The following AMPD3 variants were observed in gnomAD, a reference collection of about 807,000 sequenced individuals.
AMPD3 encodes adenosine monophosphate deaminase 3.
A neutral mutation model predicts 82.3 loss-of-function variants in AMPD3; 57 were observed. That is an observed-to-expected ratio of 0.69 (90% CI 0.56 to 0.86). The LOEUF (loss-of-function observed/expected upper bound fraction) is 0.86, where lower values mean the gene tolerates loss of function less well. Ranked by LOEUF, AMPD3 falls within the 40% of genes least tolerant of loss-of-function variation. The pLI, the probability that AMPD3 is intolerant of heterozygous loss-of-function variation, is 0.00. For synonymous variants in AMPD3, 381 were observed against 394.7 expected (o/e 0.97, Z 0.41); for missense variants, 870 against 1,003.8 (o/e 0.87, Z 1.80).
At chr11:10,502,959 T>C (rs1849620547) in intron 13 of AMPD3, 65 bp downstream of exon 13, 2 of 1,567,420 alleles carry the variant, frequency 1.3e-6, no homozygotes, top group Non-Finnish European at 1.8e-6. Context: ...GTCCTCCCAT[T>C]TCAGGAACCT....
In AMPD3 at chr11:10,496,248, A is replaced by G. The variant is rs536495398; in HGVS notation, c.1430+515A>G. 5 of 985,244 alleles carry G rather than the reference A, an allele frequency of 5.1e-6. No homozygotes were observed. In the South Asian group the frequency reaches 2.4e-4, roughly 46 times the overall value. 61.0% of individuals were successfully genotyped at this position (985,244 alleles called of 1,614,324 possible). A position where few individuals can be genotyped will look rare whatever the true frequency, so the allele number is the denominator to read the frequency against. On this transcript the variant is annotated intron_variant, in intron 9 of 14. Coordinates refer to ENST00000396553, the MANE Select transcript of AMPD3 (RefSeq NM_001025389.2). ...AACTCTTGATCTTTGAAAAATATAGATGTGCAAAGGCCTTGGGGGAACTAC... is the reference window on the plus strand; with the variant it reads ...AACTCTTGATCTTTGAAAAATATAGGTGTGCAAAGGCCTTGGGGGAACTAC...
intron 10 of AMPD3, among the ~76,000 whole-genome samples, chr11:10,497,313 A>G (rs10840427): frequency 0.41 from 61,728 of 151,838 alleles, 14,243 homozygotes; most frequent in Non-Finnish European, 0.53. Context: ...GGAAATGCAA[A>G]CACTTCAATT....
upstream of AMPD3, among the ~76,000 whole-genome samples, chr11:10,453,389 A>G (rs906804472): frequency 6.6e-6 from 1 of 152,232 alleles, no homozygotes; most frequent in African/African-American, 2.4e-5. Context: ...AATGTCGACC[A>G]TATTTCAGGT....
At chr11:10,474,026 T>G (rs186641658) in intron 2 of AMPD3, among the ~76,000 whole-genome samples, 8 of 152,266 alleles carry the variant, frequency 5.3e-5, no homozygotes, top group Non-Finnish European at 8.8e-5. Flanking sequence ...ATGTCCCCCC[T>G]CTGACCCCAT....
At chr11:10,469,574 G>A (rs1848523361) in intron 2 of AMPD3, among the ~76,000 whole-genome samples, 5 of 152,176 alleles carry the variant, frequency 3.3e-5, no homozygotes, top group Admixed American at 3.3e-4. Context: ...GGTACAAAGA[G>A]GAGCTGGTAC....
At chr11:10,503,107 G>T (rs1052403654) in intron 13 of AMPD3, among the ~76,000 whole-genome samples, 1 of 152,198 alleles carries the variant, frequency 6.6e-6, no homozygotes, top group Non-Finnish European at 1.5e-5. Context: ...GCACAATTTA[G>T]TATCTTTGCC....
chr11:10,504,539 G>A lies in AMPD3; in HGVS notation c.2017-10G>A, dbSNP rs1443322802. 1.4e-5 allele frequency: 22 copies of A among 1,612,132 alleles called. No homozygotes were observed. The highest frequency in any genetic ancestry group is 1.6e-5 in the Non-Finnish European group (19 of 1,178,256). ...CCCTTCTAATCCACATGCTTTGGGG[G>A]AGGATCTAGGAAGCACTTATGGAAG... is the stretch of plus-strand genomic sequence containing the variant. On this transcript the variant is annotated splice_polypyrimidine_tract_variant and intron_variant, in intron 13 of 14. Coordinates refer to ENST00000396553, the MANE Select transcript of AMPD3 (RefSeq NM_001025389.2).
intron 1 of AMPD3, among the ~76,000 whole-genome samples, chr11:10,460,285 G>T (rs1238105195): frequency 1.3e-5 from 2 of 150,670 alleles, no homozygotes; most frequent in African/African-American, 4.9e-5. Flanking sequence ...CTTTTTTAGG[G>T]ATGAGGTTTT....
At chr11:10,505,303 T>A in intron 14 of AMPD3, 1 of 985,414 alleles carries the variant, frequency 1.0e-6, no homozygotes, top group Non-Finnish European at 1.2e-6. Flanking sequence ...AGTTAAAGGC[T>A]TAAGATTCTT....
chr11:10,472,160 A>G (rs141069209), intron 2 of AMPD3, among the ~76,000 whole-genome samples: 18,309 of 152,184 alleles, frequency 0.12, 1,148 homozygotes, highest in Non-Finnish European at 0.14. Flanking sequence ...GGATGAAGCT[A>G]GAAACCATCA....
chr11:10,452,560 T>C (rs995342035), upstream of AMPD3, among the ~76,000 whole-genome samples: 4 of 152,114 alleles, frequency 2.6e-5, no homozygotes, highest in African/African-American at 9.7e-5. Flanking sequence ...AAATATGTTT[T>C]CCTTCTTCCT....
chr11:10,496,083 A>G (rs1849391090), intron 9 of AMPD3: 3 of 379,292 alleles, frequency 7.9e-6, no homozygotes, highest in Middle Eastern at 1.3e-3. Flanking sequence ...CGTCTGGCCA[A>G]TTTTTATATT....
At chr11:10,485,889 G>A (rs530249332) in intron 5 of AMPD3, among the ~76,000 whole-genome samples, 15 of 152,138 alleles carry the variant, frequency 9.9e-5, no homozygotes, top group Non-Finnish European at 1.8e-4. Context: ...AGTAATACCT[G>A]GACTCTGTGA....
intron 7 of AMPD3, among the ~76,000 whole-genome samples, chr11:10,494,217 G>A (rs188738697): frequency 2.6e-3 from 398 of 152,256 alleles, no homozygotes; most frequent in Non-Finnish European, 4.0e-3. Flanking sequence ...ATACTAAATC[G>A]AAGCCAGACA....
In AMPD3 at chr11:10,482,242, G is replaced by A. The variant is rs778935977; in HGVS notation, c.589+17G>A. 2 of 1,610,436 alleles carry A rather than the reference G, an allele frequency of 1.2e-6. No homozygotes were observed. The highest frequency in any genetic ancestry group is 2.2e-5 in the East Asian group (1 of 44,826). ...GCCTTCCAGGTATGGAGCTCTGGCT[G>A]GAGGTTGGGTCCCAAGTGTGGGCAG... On this transcript the variant is annotated intron_variant, in intron 4 of 14. Transcript: ENST00000396553.
rs1848086561 is a variant in AMPD3, at chr11:10,456,147, G to A, written c.-6+699G>A. 1 of 1,378,788 alleles carries A rather than the reference G, an allele frequency of 7.3e-7. No individual in the cohort carries two copies. The highest frequency in any genetic ancestry group is 9.4e-7 in the Non-Finnish European group (1 of 1,067,480). The allele number at this position is 1,378,788 out of a possible 1,614,324, so 85.4% of individuals were successfully genotyped here. ...TTTTGGATAACTGGGATTACCTGGGGACTTCAGGGCTCTTGGAAATTTTCC... is the reference window on the plus strand; with the variant it reads ...TTTTGGATAACTGGGATTACCTGGGAACTTCAGGGCTCTTGGAAATTTTCC... On this transcript the variant is annotated intron_variant, in intron 1 of 14. Coordinates refer to ENST00000396553, the MANE Select transcript of AMPD3 (RefSeq NM_001025389.2). The surrounding 1 kb of genome is among the most constrained non-coding windows in gnomAD (Gnocchi z 4.3).
chr11:10,450,766 T>C (rs1003285277), upstream of AMPD3: 27 of 1,153,864 alleles, frequency 2.3e-5, no homozygotes, highest in Non-Finnish European at 2.8e-5. Context: ...CGCGCCCAGG[T>C]AGGGCACCGA....
intron 3 of AMPD3, chr11:10,481,495 A>T (rs763257719): frequency 2.0e-5 from 20 of 984,782 alleles, no homozygotes; most frequent in Non-Finnish European, 2.4e-5. Context: ...AACGACCCTA[A>T]CTCCTCCTGT....
rs1849729916 is a variant in AMPD3, at chr11:10,507,031, ATTAATCTGAATTAAGCT to A, written c.*1151_*1167del. 6.6e-6 allele frequency: 1 copy of A among 152,634 alleles called. No homozygotes were observed. 9.5% of individuals were successfully genotyped at this position (152,634 alleles called of 1,614,324 possible). A position where few individuals can be genotyped will look rare whatever the true frequency, so the allele number is the denominator to read the frequency against. The stretch of plus-strand genomic sequence containing the variant: ...GGCCAAGTAGAAAGCATTTTTAAAG[ATTAATCTGAATTAAGCT>A]TTATCAGTGTACTCTTTATCTGTGT... On this transcript the variant is annotated 3_prime_UTR_variant, in exon 15 of 15. Coordinates refer to ENST00000396553, the MANE Select transcript of AMPD3 (RefSeq NM_001025389.2).
Sources: gnomAD v4.1 joint callset for allele counts (sites outside exome capture counted in the v4.1 genomes callset) on GRCh38, gnomAD v4.1.1 for gene constraint, Gnocchi (gnomAD v3.1) non-coding constraint, MANE v1.5 for transcripts, NCBI Gene and HGNC (gene_info 2026-07-23, HGNC 2026-07-21) for gene names.